Variants in LRRFIP1 observed in about 807,000 individuals in gnomAD.
LRRFIP1 encodes leucine-rich repeat flightless-interacting protein 1.
A neutral mutation model predicts 104.4 loss-of-function variants in LRRFIP1; 62 were observed. The ratio of observed to expected loss-of-function variants is 0.59; its 90% CI spans 0.48 to 0.73. LRRFIP1 has a LOEUF of 0.73. Ranked by LOEUF, LRRFIP1 falls within the 30% of genes least tolerant of loss-of-function variation. The pLI is 0.00. For missense variants in LRRFIP1, 796 were observed against 824.5 expected, an observed-to-expected ratio of 0.97 and a Z score of 0.42; for synonymous variants, 300 against 299.0, an observed-to-expected ratio of 1.00 and a Z score of -0.03.
intron 1 of LRRFIP1, among the ~76,000 whole-genome samples, chr2:237,690,557 T>C (rs781328151): frequency 2.0e-5 from 3 of 151,880 alleles, no homozygotes; most frequent in African/African-American, 4.8e-5. Context: ...GCTAACATGG[T>C]GAAACCCCGA....
intron 16 of LRRFIP1, 66 bp from the exon 17 acceptor site, chr2:237,757,390 C>T (rs953936394): frequency 3.7e-6 from 4 of 1,067,182 alleles, no homozygotes; most frequent in Admixed American, 2.3e-5. Flanking sequence ...CTCAGGTTCT[C>T]TCTCGGGCTG....
intron 1 of LRRFIP1, among the ~76,000 whole-genome samples, chr2:237,659,648 TA>T (rs1381097690): frequency 6.7e-6 from 1 of 148,850 alleles, no homozygotes; most frequent in African/African-American, 2.4e-5. Context: ...TACATATAAA[TA>T]TATATATTTT....
At chr2:237,721,914 G>A (rs1178295296) in intron 6 of LRRFIP1, 1 of 152,252 alleles carries the variant, frequency 6.6e-6, no homozygotes, top group African/African-American at 2.4e-5. Context: ...GGATGCTGTT[G>A]TAACCGTTAC....
At chr2:237,639,319 C>T (rs1371014951) in intron 1 of LRRFIP1, among the ~76,000 whole-genome samples, 3 of 152,176 alleles carry the variant, frequency 2.0e-5, no homozygotes, top group African/African-American at 7.2e-5. Flanking sequence ...AATAAAAGCG[C>T]GAATGGCTGT....
chr2:237,734,344 G>C (rs117827560), intron 9 of LRRFIP1, among the ~76,000 whole-genome samples: 1 of 135,648 alleles, frequency 7.4e-6, no homozygotes, highest in African/African-American at 2.9e-5. Context: ...GCAAGGGCAC[G>C]ATCTCGGCTC....
chr2:237,777,961 T>G (rs2061232748), intron 23 of LRRFIP1, among the ~76,000 whole-genome samples: 1 of 152,200 alleles, frequency 6.6e-6, no homozygotes. Flanking sequence ...AAAAGTGTCT[T>G]CATTGTTGAT....
intron 6 of LRRFIP1, 115 bp from the exon 7 acceptor site, chr2:237,723,433 A>G (rs2094605542): frequency 1.9e-6 from 2 of 1,046,130 alleles, no homozygotes; most frequent in South Asian, 1.4e-5. Context: ...GGAAAAATGC[A>G]TTTTTGTTAA....
In LRRFIP1 at chr2:237,661,654, C is replaced by G. The variant is rs893602601; in HGVS notation, c.96+33914C>G. On this transcript the variant is annotated intron_variant, in intron 1 of 23. Transcript: ENST00000308482. The surrounding 1 kb of genome is among the most constrained non-coding windows in gnomAD (Gnocchi z 4.4). The stretch of plus-strand genomic sequence containing the variant: ...GTGATACCTAACATCTGTCCCAGAG[C>G]CATGCACGTTCCGAAAGCACATTCC... Among the ~76,000 whole-genome samples the G allele has an allele frequency of 2.0e-5, 3 of 152,230 alleles. No individual in the cohort carries two copies. The highest frequency in any genetic ancestry group is 7.2e-5 in the African/African-American group (3 of 41,456).
chr2:237,739,225 T>G lies in LRRFIP1; in HGVS notation c.556-7T>G, dbSNP rs1399136643. ...GCTGCGTGTCCTGGCGGTGGCTGTGTGGGCAGCCCTCGGAGTACAGCGGCC... is the reference window on the plus strand; with the variant it reads ...GCTGCGTGTCCTGGCGGTGGCTGTGGGGGCAGCCCTCGGAGTACAGCGGCC... On this transcript the variant is annotated splice_polypyrimidine_tract_variant and splice_region_variant and intron_variant, in intron 10 of 23. Transcript: ENST00000308482. The G allele has an allele frequency of 2.6e-6, 4 of 1,556,242 alleles. No individual in the cohort carries two copies. Among genetic ancestry groups the G allele is most frequent in the Admixed American group, 1.9e-5 (1 of 52,146 alleles).
intron 1 of LRRFIP1, among the ~76,000 whole-genome samples, chr2:237,641,554 T>C (rs185468338): frequency 1.4e-4 from 21 of 152,134 alleles, no homozygotes; most frequent in Non-Finnish European, 2.6e-4. Flanking sequence ...CAATCTTTTC[T>C]CCTTGGATTT....
At position 237,770,113 on chromosome 2, in the gene LRRFIP1, A is replaced by G. The variant is rs942116385; in HGVS notation, c.1509+121A>G. 7 of 746,272 alleles carry G rather than the reference A, an allele frequency of 9.4e-6. No individual in the cohort carries two copies. In the East Asian group the frequency reaches 1.1e-4, roughly 12 times the overall value. 46.2% of individuals were successfully genotyped at this position (746,272 alleles called of 1,614,324 possible). A position where few individuals can be genotyped will look rare whatever the true frequency, so the allele number is the denominator to read the frequency against. ...TAATCATGTCTGAAAGTCTTTATCA[A>G]GCCAACTGGTGTTCTTAAGATTGCT... On this transcript the variant is annotated intron_variant, in intron 20 of 23. Coordinates refer to ENST00000308482, the MANE Select transcript of LRRFIP1 (RefSeq NM_001137550.2).
intron 5 of LRRFIP1, among the ~76,000 whole-genome samples, chr2:237,720,135 C>T (rs1054792790): frequency 7.9e-5 from 12 of 151,908 alleles, no homozygotes; most frequent in Non-Finnish European, 1.3e-4. Flanking sequence ...TTGGTAGAGA[C>T]GGAGTTTCCC....
At chr2:237,758,583 G>T in intron 17 of LRRFIP1, 146 bp from the exon 18 acceptor site, 1 of 578,340 alleles carries the variant, frequency 1.7e-6, no homozygotes, top group Non-Finnish European at 3.0e-6. Context: ...CTTGGATTTT[G>T]TTAGTATCTT....
chr2:237,735,392 C>A lies in LRRFIP1; in HGVS notation c.555+59C>A. Reference sequence around the variant, plus strand: ...GTGCCTGCTGCATGGCCTGGGGATGCTCGCTGGGCAGGGTCCAGCCGTGGG... The same window carrying A: ...GTGCCTGCTGCATGGCCTGGGGATGATCGCTGGGCAGGGTCCAGCCGTGGG... On this transcript the variant is annotated intron_variant, in intron 10 of 23. Transcript: ENST00000308482. This position sits in a 1 kb window ranked among gnomAD's most constrained non-coding sequence, Gnocchi z 4.6. 1 of 1,528,604 alleles carries A rather than the reference C, an allele frequency of 6.5e-7. No homozygotes were observed. Among genetic ancestry groups the A allele is most frequent in the Non-Finnish European group, 8.9e-7 (1 of 1,121,788 alleles). 94.7% of individuals were successfully genotyped at this position (1,528,604 alleles called of 1,614,324 possible).
intron 1 of LRRFIP1, among the ~76,000 whole-genome samples, chr2:237,636,154 T>C (rs1401739591): frequency 6.6e-6 from 1 of 151,780 alleles, no homozygotes; most frequent in Non-Finnish European, 1.5e-5. Flanking sequence ...GGATCTTCTC[T>C]TTATTCTCAG....
In LRRFIP1 at chr2:237,756,196, C is replaced by G; in HGVS notation, c.1131+9C>G. On this transcript the variant is annotated intron_variant, in intron 16 of 23. Transcript: ENST00000308482. ...GAGAGGAAATGCTCGAGGTAGGTAG[C>G]ATTCTCCTGCTTTTCTTTTCCTTTT... The G allele has an allele frequency of 6.2e-7, 1 of 1,603,288 alleles. No individual in the cohort carries two copies. Among genetic ancestry groups the G allele is most frequent in the South Asian group, 1.1e-5 (1 of 90,490 alleles).
intron 1 of LRRFIP1, 68 bp downstream of exon 1, chr2:237,627,808 T>C (rs1468521137): frequency 7.0e-6 from 7 of 994,428 alleles, no homozygotes; most frequent in Non-Finnish European, 8.9e-6. Flanking sequence ...TGTCAGGGTC[T>C]CTCCGGCGTC....
At chr2:237,632,041 T>C (rs2082412070) in intron 1 of LRRFIP1, among the ~76,000 whole-genome samples, 1 of 152,256 alleles carries the variant, frequency 6.6e-6, no homozygotes, top group African/African-American at 2.4e-5. Context: ...CTCGTGGGCC[T>C]GCGGGTGCTG....
At chr2:237,746,004 CTAGA>C (rs1576170679) in intron 11 of LRRFIP1, among the ~76,000 whole-genome samples, 1 of 151,850 alleles carries the variant, frequency 6.6e-6, no homozygotes, top group Non-Finnish European at 1.5e-5. Flanking sequence ...ACGCTAAGTG[CTAGA>C]TAGATAGTTC....
Sources: allele counts gnomAD v4.1 joint callset (sites outside exome capture counted in the v4.1 genomes callset), GRCh38; gene constraint gnomAD v4.1.1; non-coding constraint Gnocchi (gnomAD v3.1); transcripts MANE v1.5; gene names NCBI Gene and HGNC (gene_info 2026-07-23, HGNC 2026-07-21).